The following EPB41L4A variants were observed in gnomAD, a reference collection of about 807,000 sequenced individuals.
EPB41L4A encodes band 4.1-like protein 4A.
EPB41L4A carries 100 observed loss-of-function variants against 108.6 expected under a neutral mutation model. The ratio of observed to expected loss-of-function variants is 0.92; its 90% CI spans 0.78 to 1.09. EPB41L4A has a LOEUF of 1.09. EPB41L4A is among the 50% of genes least tolerant of loss of function. The probability of loss-of-function intolerance (pLI) is 0.00; values close to 1 mark genes in which losing one functional copy is unlikely to be tolerated. For missense variants in EPB41L4A, 1,030 were observed against 842.7 expected, an observed-to-expected ratio of 1.22 and a Z score of -2.75; for synonymous variants, 319 against 289.0, an observed-to-expected ratio of 1.10 and a Z score of -1.05.
At chr5:112,325,159 G>C (rs1299419998) in intron 1 of EPB41L4A, among the ~76,000 whole-genome samples, 2 of 152,152 alleles carry the variant, frequency 1.3e-5, no homozygotes, top group Non-Finnish European at 2.9e-5. Flanking sequence ...AAGAGAGTCA[G>C]GGCCGGGCGC....
chr5:112,147,872 C>A lies in EPB41L4A; in HGVS notation n.995-1874G>T, dbSNP rs888647807. ...TGGCCAACGTGGTGAAACCTTGTCTCTACTAAAAATACAAAAATTAGCTGG... is the reference window on the plus strand; with the variant it reads ...TGGCCAACGTGGTGAAACCTTGTCTATACTAAAAATACAAAAATTAGCTGG... On this transcript the variant is annotated intron_variant and non_coding_transcript_variant, in intron 12 of 13. Coordinates refer to the EPB41L4A transcript ENST00000507810. Among the ~76,000 whole-genome samples the A allele has an allele frequency of 3.4e-4, 52 of 151,498 alleles. 1 individual carries two copies. Among genetic ancestry groups the A allele is most frequent in the Non-Finnish European group, 1.6e-4 (11 of 67,928 alleles).
chr5:112,194,679 C>A, intron 16 of EPB41L4A, 34 bp from the exon 17 acceptor site: 2 of 1,481,730 alleles, frequency 1.3e-6, no homozygotes, highest in Non-Finnish European at 1.9e-6. Context: ...AAAGAAAAAA[C>A]ACACATTTAT....
chr5:112,324,440 G>T (rs1409195758), intron 1 of EPB41L4A, among the ~76,000 whole-genome samples: 1 of 151,988 alleles, frequency 6.6e-6, no homozygotes, highest in Non-Finnish European at 1.5e-5. Flanking sequence ...GTAAAACCCT[G>T]TCTCTACTAA....
At position 112,260,048 on chromosome 5, in the gene EPB41L4A, C is replaced by A. The variant is rs28620667; in HGVS notation, c.643-69G>T. On this transcript the variant is annotated intron_variant, in intron 7 of 22. Transcript: ENST00000261486. ...ATCTCTTTGTCAAACTATAATTGACCATACAAATATAATTTGTTACATTAA... is the reference window on the plus strand; with the variant it reads ...ATCTCTTTGTCAAACTATAATTGACAATACAAATATAATTTGTTACATTAA... 242,771 of 1,107,348 alleles carry A rather than the reference C, an allele frequency of 0.22. 27,572 individuals carry two copies. Among genetic ancestry groups the A allele is most frequent in the Middle Eastern group, 0.24 (1,198 of 5,040 alleles). 68.6% of individuals were successfully genotyped at this position (1,107,348 alleles called of 1,614,324 possible).
At chr5:112,382,592 T>A (rs1760244001) in intron 1 of EPB41L4A, among the ~76,000 whole-genome samples, 1 of 152,222 alleles carries the variant, frequency 6.6e-6, no homozygotes, top group South Asian at 2.1e-4. Flanking sequence ...CAGGAATATC[T>A]CTTCCAGGAT....
At position 112,391,224 on chromosome 5, in the gene EPB41L4A, T is replaced by G. The variant is rs375902422; in HGVS notation, c.99+27717A>C. ...GAACTAAGCTGGACAGAGAATGACT[T>G]TGATGAGTTGACAGAAGTAGGCTTC... On this transcript the variant is annotated intron_variant, in intron 1 of 22. Transcript: ENST00000261486. Among the ~76,000 whole-genome samples the G allele has an allele frequency of 2.0e-5, 3 of 152,150 alleles. No homozygotes were observed. In the East Asian group the frequency reaches 5.8e-4, roughly 29 times the overall value.
intron 17 of EPB41L4A, among the ~76,000 whole-genome samples, chr5:112,191,285 C>A (rs1335695194): frequency 1.3e-5 from 2 of 152,090 alleles, no homozygotes; most frequent in African/African-American, 4.8e-5. Context: ...ACAGTTAGGG[C>A]ACAATTAACA....
chr5:112,231,886 T>C (rs976304016), intron 12 of EPB41L4A, among the ~76,000 whole-genome samples: 8 of 150,000 alleles, frequency 5.3e-5, no homozygotes, highest in African/African-American at 1.7e-4. Flanking sequence ...GATGTAAGGA[T>C]TGCTTGAGGC....
Position 112,205,516 on chromosome 5 carries a change from A to T in EPB41L4A, c.1179-12T>A, listed in dbSNP as rs1448578617. ...TTGCTTTCTTAAAGCTTTAATTTTA[A>T]AAAAAAGTATGAGAAATAAATTAAG... is the stretch of plus-strand genomic sequence containing the variant. On this transcript the variant is annotated splice_polypyrimidine_tract_variant and intron_variant, in intron 13 of 22. Transcript: ENST00000261486. 2.6e-6 allele frequency: 4 copies of T among 1,563,496 alleles called. No homozygotes were observed. The highest frequency in any genetic ancestry group is 3.5e-6 in the Non-Finnish European group (4 of 1,146,716).
rs539068205 is a variant in EPB41L4A at position 112,245,354 on chromosome 5, AG to A, written c.796-4545del. On this transcript the variant is annotated intron_variant, in intron 9 of 22. Transcript: ENST00000261486. ...ATAAACATAAAACAATCAATGCAAAAGAATAATTGAAATGATTTGTCTCCTA... is the reference window on the plus strand; with the variant it reads ...ATAAACATAAAACAATCAATGCAAAAAATAATTGAAATGATTTGTCTCCTA... Among the ~76,000 whole-genome samples, 47 of 152,340 alleles carry A rather than the reference AG, an allele frequency of 3.1e-4. 1 individual carries two copies. The highest frequency in any genetic ancestry group is 1.1e-3 in the African/African-American group (47 of 41,580).
intron 1 of EPB41L4A, among the ~76,000 whole-genome samples, chr5:112,408,318 C>G (rs750068975): frequency 6.6e-6 from 1 of 151,804 alleles, no homozygotes; most frequent in Non-Finnish European, 1.5e-5. Context: ...GATATGACAC[C>G]AAAAGCACAA....
At chr5:112,250,753 T>C (rs1750599080) in intron 9 of EPB41L4A, 1 of 152,246 alleles carries the variant, frequency 6.6e-6, no homozygotes, top group South Asian at 2.1e-4. Flanking sequence ...TAACACAAGC[T>C]ATTCAGCAGC....
rs1321424611 is a variant in EPB41L4A, at chr5:112,265,005, C to A, written c.445G>T (p.Asp149Tyr). The A allele has an allele frequency of 1.3e-6, 2 of 1,578,310 alleles. No homozygotes were observed. The highest frequency in any genetic ancestry group is 1.9e-5 in the Admixed American group (1 of 52,620). Residue 149 changes from aspartate to tyrosine, a missense_variant, in exon 6 of 23, where the codon GAT becomes TAT. Transcript: ENST00000261486. ...GCAGTATGTTTATATGGGTCATAAT[C>A]TCCAAGCTCCGCTAAAAAAGAAAGA... ...GAYAIQSELG[D>Y]YDPYKHTAGY...
At chr5:112,335,309 A>G (rs1453680098) in intron 1 of EPB41L4A, among the ~76,000 whole-genome samples, 1 of 152,214 alleles carries the variant, frequency 6.6e-6, no homozygotes, top group African/African-American at 2.4e-5. Flanking sequence ...GAACAGTCAG[A>G]CACCTTTTAA....
At chr5:112,393,725 C>A (rs1225463038) in intron 1 of EPB41L4A, among the ~76,000 whole-genome samples, 1 of 152,168 alleles carries the variant, frequency 6.6e-6, no homozygotes, top group Non-Finnish European at 1.5e-5. Flanking sequence ...AGGGATTCCT[C>A]CCTAACTCAT....
At chr5:112,171,256 T>G (rs1760565252) in intron 18 of EPB41L4A, among the ~76,000 whole-genome samples, 1 of 152,232 alleles carries the variant, frequency 6.6e-6, no homozygotes, top group Non-Finnish European at 1.5e-5. Flanking sequence ...TGCAGGGTCA[T>G]ATGCCTCCCC....
chr5:112,198,935 G>C (rs1446820422), intron 15 of EPB41L4A, among the ~76,000 whole-genome samples: 1 of 151,882 alleles, frequency 6.6e-6, no homozygotes, highest in Non-Finnish European at 1.5e-5. Context: ...CACCCCATTT[G>C]TTTGTTTTAG....
chr5:112,325,339 G>T (rs1367260439), intron 1 of EPB41L4A, among the ~76,000 whole-genome samples: 1 of 152,104 alleles, frequency 6.6e-6, no homozygotes, highest in Non-Finnish European at 1.5e-5. Context: ...TACTTGGGAG[G>T]CTGAGGCAGG....
chr5:112,239,882 G>A (rs1749651337), intron 10 of EPB41L4A, 145 bp from the exon 11 acceptor site: 2 of 476,240 alleles, frequency 4.2e-6, no homozygotes, highest in Non-Finnish European at 7.4e-6. Context: ...CATACTCCAT[G>A]AGGATGAAAC....
Sources: allele counts gnomAD v4.1 joint callset (sites outside exome capture counted in the v4.1 genomes callset), GRCh38; gene constraint gnomAD v4.1.1; transcripts MANE v1.5; gene names NCBI Gene and HGNC (gene_info 2026-07-23, HGNC 2026-07-21).